ANKRD36C: variants seen among roughly 807,000 people sequenced by gnomAD.
ANKRD36C encodes the protein ankyrin repeat domain-containing protein 36C.
ANKRD36C carries 61 observed loss-of-function variants against 276.4 expected under a neutral mutation model. The ratio of observed to expected loss-of-function variants is 0.22; its 90% CI spans 0.18 to 0.27. ANKRD36C has a LOEUF of 0.27. Among genes scored for constraint, ANKRD36C ranks in the 10% least tolerant of loss-of-function variants. The pLI is 1.00. For synonymous variants in ANKRD36C, 483 were observed against 680.1 expected, an observed-to-expected ratio of 0.71 and a Z score of 4.51; for missense variants, 1,447 against 2,032.3, an observed-to-expected ratio of 0.71 and a Z score of 5.54.
chr2:95,910,095 G>C (rs1676865177), intron 42 of ANKRD36C, among the ~76,000 whole-genome samples: 1 of 151,102 alleles, frequency 6.6e-6, no homozygotes, highest in African/African-American at 2.4e-5. Context: ...GAGAATTAAA[G>C]CAAAACTATG....
intron 4 of ANKRD36C, among the ~76,000 whole-genome samples, chr2:95,981,983 A>G (rs1443034153): frequency 6.6e-6 from 1 of 152,174 alleles, no homozygotes; most frequent in Non-Finnish European, 1.5e-5. Context: ...ACAAACATCT[A>G]TCAATATACA....
At chr2:95,980,592 AC>A (rs1573817824) in intron 5 of ANKRD36C, 55 bp downstream of exon 5, 1 of 1,569,156 alleles carries the variant, frequency 6.4e-7, no homozygotes, top group East Asian at 2.3e-5. Flanking sequence ...TGCAATTGCT[AC>A]AATTATTTTA....
intron 46 of ANKRD36C, among the ~76,000 whole-genome samples, chr2:95,890,760 C>T (rs1206608495): frequency 6.6e-6 from 1 of 151,498 alleles, no homozygotes; most frequent in African/African-American, 2.4e-5. Flanking sequence ...GTTTTTCATT[C>T]AGAAATCACT....
At chr2:95,921,292 G>A (rs1677260722) in intron 34 of ANKRD36C, among the ~76,000 whole-genome samples, 1 of 150,608 alleles carries the variant, frequency 6.6e-6, no homozygotes, top group South Asian at 2.1e-4. Flanking sequence ...TCCACCCTTA[G>A]TGAAACCATG....
In ANKRD36C at chr2:95,935,368, A is replaced by G. The variant is rs1446277208; in HGVS notation, c.1735+86T>C. On this transcript the variant is annotated intron_variant, in intron 24 of 66. Transcript: ENST00000456556. ...TCAAATCCTTCTATCTTACTGGGGT[A>G]AAAGAAGTAAGAATCAGAAGGCTAT... The G allele has an allele frequency of 1.4e-5, 18 of 1,259,898 alleles. No individual in the cohort carries two copies. The Admixed American group carries it at 1.6e-4, about 11-fold the overall frequency. 78.0% of individuals were successfully genotyped at this position (1,259,898 alleles called of 1,614,324 possible). A position where few individuals can be genotyped will look rare whatever the true frequency, so the allele number is the denominator to read the frequency against.
At chr2:95,888,351 G>A (rs1337589145) in intron 48 of ANKRD36C, among the ~76,000 whole-genome samples, 1 of 151,622 alleles carries the variant, frequency 6.6e-6, no homozygotes, top group African/African-American at 2.4e-5. Flanking sequence ...TTTGTCATAT[G>A]TCCAAAACTA....
chr2:95,883,650 C>A (rs2104329798), intron 54 of ANKRD36C, among the ~76,000 whole-genome samples: 1 of 152,106 alleles, frequency 6.6e-6, no homozygotes, highest in African/African-American at 2.4e-5. Context: ...CTCACGTTTC[C>A]TCAGAAGAAA....
At chr2:95,869,314 T>G (rs1675750261) in intron 59 of ANKRD36C, among the ~76,000 whole-genome samples, 1 of 152,164 alleles carries the variant, frequency 6.6e-6, no homozygotes, top group Non-Finnish European at 1.5e-5. Flanking sequence ...GGACTAAACT[T>G]GAATAATTCA....
chr2:95,884,809 G>C (rs907959098), intron 52 of ANKRD36C, among the ~76,000 whole-genome samples: 10 of 151,246 alleles, frequency 6.6e-5, no homozygotes, highest in Non-Finnish European at 1.3e-4. Flanking sequence ...TAACTTGCCC[G>C]ATAACAGAGA....
chr2:95,862,771 T>A lies in ANKRD36C; in HGVS notation c.3683-2697A>T, dbSNP rs553970630. Among the ~76,000 whole-genome samples the A allele has an allele frequency of 2.6e-5, 4 of 152,176 alleles. No homozygotes were observed. The South Asian group carries it at 8.3e-4, about 32-fold the overall frequency. On this transcript the variant is annotated intron_variant, in intron 60 of 66. Coordinates refer to ENST00000456556, the Ensembl canonical transcript of ANKRD36C. ...TAGGAGGGGGGATTTTTACAGGTAG[T>A]TGGTCATGAGAGCAAAGCCCTAATG...
At chr2:95,849,153 G>A (rs1220047840), downstream of ANKRD36C, among the ~76,000 whole-genome samples, 3 of 151,938 alleles carry the variant, frequency 2.0e-5, no homozygotes, top group African/African-American at 4.8e-5. Context: ...TCTGCCTCCC[G>A]GGTTCAAGTG....
At chr2:95,969,435 C>T (rs4435500) in intron 6 of ANKRD36C, among the ~76,000 whole-genome samples, 49,237 of 152,016 alleles carry the variant, frequency 0.32, 9,303 homozygotes, top group East Asian at 0.48. Context: ...CAGATGTATA[C>T]ACATCATAAT....
intron 56 of ANKRD36C, among the ~76,000 whole-genome samples, chr2:95,881,302 AC>A (rs1368999946): frequency 1.3e-5 from 2 of 152,184 alleles, no homozygotes; most frequent in African/African-American, 2.4e-5. Flanking sequence ...TAATATATAA[AC>A]CCCATCAAAA....
intron 59 of ANKRD36C, among the ~76,000 whole-genome samples, chr2:95,873,804 T>C (rs1675873445): frequency 6.6e-6 from 1 of 152,238 alleles, no homozygotes; most frequent in South Asian, 2.1e-4. Context: ...AAAATCTCCT[T>C]AAGCTGATCA....
chr2:95,909,759 T>G (rs1254285542), intron 42 of ANKRD36C, among the ~76,000 whole-genome samples: 1 of 150,870 alleles, frequency 6.6e-6, no homozygotes, highest in Non-Finnish European at 1.5e-5. Flanking sequence ...ATTCTAGGAT[T>G]GTTTCCTTCT....
intron 34 of ANKRD36C, 118 bp downstream of exon 34, chr2:95,921,489 A>T: frequency 1.0e-5 from 14 of 1,380,614 alleles, no homozygotes; most frequent in South Asian, 1.4e-5. Flanking sequence ...AGGCCTACTG[A>T]ATCAGAATGT....
At chr2:95,933,505 T>A (rs1485901050) in intron 24 of ANKRD36C, among the ~76,000 whole-genome samples, 1 of 152,228 alleles carries the variant, frequency 6.6e-6, no homozygotes, top group Non-Finnish European at 1.5e-5. Context: ...CCTTGTGAGT[T>A]GTATTCCTAG....
rs146139198 is a variant in ANKRD36C, at chr2:95,968,878, C to A, written c.800-6331G>T. Among the ~76,000 whole-genome samples, 68 of 152,252 alleles carry A rather than the reference C, an allele frequency of 4.5e-4. 2 individuals are homozygous for A. The East Asian group carries it at 0.013, about 29-fold the overall frequency. ...AGAGAACTCATGGAAACATATTTAC[C>A]AGTTTCTTATAAAGAATATTAAAGG... is the stretch of plus-strand genomic sequence containing the variant. On this transcript the variant is annotated intron_variant, in intron 6 of 66. Coordinates refer to ENST00000456556, the Ensembl canonical transcript of ANKRD36C.
intron 10 of ANKRD36C, among the ~76,000 whole-genome samples, chr2:95,960,162 C>T (rs989650578): frequency 6.6e-6 from 1 of 151,976 alleles, no homozygotes; most frequent in African/African-American, 2.4e-5. Flanking sequence ...TTCTCCTTCC[C>T]CTCTTGATGG....
Sources: allele counts gnomAD v4.1 joint callset (sites outside exome capture counted in the v4.1 genomes callset), GRCh38; gene constraint gnomAD v4.1.1; transcripts MANE v1.5; gene names NCBI Gene and HGNC (gene_info 2026-07-23, HGNC 2026-07-21).